STPG2: variants seen among roughly 807,000 people sequenced by gnomAD.
STPG2 encodes sperm-tail PG-rich repeat-containing protein 2.
In STPG2, 56 loss-of-function variants were observed where a neutral mutation model predicts 54.2. The observed-to-expected ratio is 1.03, with a 90% CI of 0.83 to 1.29. The LOEUF is 1.29. Ranked by LOEUF, STPG2 falls within the 50% of genes most tolerant of loss-of-function variation. The pLI is 0.00. For synonymous variants in STPG2, 200 were observed against 181.8 expected, an observed-to-expected ratio of 1.10 and a Z score of -0.81; for missense variants, 596 against 544.9, an observed-to-expected ratio of 1.09 and a Z score of -0.93.
chr4:97,671,084 C>T (rs11945884), intron 10 of STPG2, among the ~76,000 whole-genome samples: 3,492 of 152,228 alleles, frequency 0.023, 86 homozygotes, highest in African/African-American at 0.065. Flanking sequence ...TGAAAGGCAC[C>T]TTGACTACAG....
intron 5 of STPG2, among the ~76,000 whole-genome samples, chr4:98,027,799 A>G (rs783919): frequency 0.86 from 130,708 of 152,192 alleles, 56,282 homozygotes; most frequent in Middle Eastern, 0.97. Context: ...TTCATGAAGA[A>G]TAGCATTGCT....
At chr4:97,870,410 A>G (rs1729944240) in intron 8 of STPG2, among the ~76,000 whole-genome samples, 1 of 151,544 alleles carries the variant, frequency 6.6e-6, no homozygotes, top group Admixed American at 6.6e-5. Flanking sequence ...CAATTATATG[A>G]ACAAAACTAC....
intron 9 of STPG2, among the ~76,000 whole-genome samples, chr4:97,754,671 C>T (rs1456816827): frequency 2.0e-5 from 3 of 152,044 alleles, no homozygotes; most frequent in Non-Finnish European, 4.4e-5. Context: ...GCCCACTCTC[C>T]TAAATGACTA....
At chr4:97,549,946 T>C (rs1731927840) in intron 4 of STPG2, among the ~76,000 whole-genome samples, 1 of 152,174 alleles carries the variant, frequency 6.6e-6, no homozygotes, top group South Asian at 2.1e-4. Context: ...TAATACAGTA[T>C]ATTTATGACT....
intron 10 of STPG2, among the ~76,000 whole-genome samples, chr4:97,567,517 T>G (rs942718964): frequency 2.0e-5 from 3 of 151,114 alleles, no homozygotes; most frequent in African/African-American, 7.3e-5. Flanking sequence ...CTGAACATAT[T>G]AGGCCAACAA....
At chr4:98,051,427 C>T (rs1245170996) in intron 5 of STPG2, among the ~76,000 whole-genome samples, 1 of 151,904 alleles carries the variant, frequency 6.6e-6, no homozygotes, top group Non-Finnish European at 1.5e-5. Flanking sequence ...GGAAATGGGG[C>T]TTTAGGGAGG....
At chr4:98,037,845 C>G (rs1174458035) in intron 5 of STPG2, among the ~76,000 whole-genome samples, 2 of 151,904 alleles carry the variant, frequency 1.3e-5, no homozygotes, top group African/African-American at 2.4e-5. Flanking sequence ...TAATTTGCAA[C>G]AGCAAATAAA....
chr4:97,805,009 T>G (rs1424340108), intron 9 of STPG2, among the ~76,000 whole-genome samples: 2 of 152,182 alleles, frequency 1.3e-5, no homozygotes, highest in Admixed American at 1.3e-4. Context: ...AAGGACAATA[T>G]TACCTAACAA....
chr4:97,772,218 T>C lies in STPG2; in HGVS notation c.1205-59404A>G, dbSNP rs971099550. Reference sequence around the variant, plus strand: ...CTGGGATATATGCCATTAAGATTTATAATTAATATCTGAATGACTACTCTC... The same window carrying C: ...CTGGGATATATGCCATTAAGATTTACAATTAATATCTGAATGACTACTCTC... On this transcript the variant is annotated intron_variant, in intron 9 of 10. Coordinates refer to ENST00000295268, the MANE Select transcript of STPG2 (RefSeq NM_174952.3). Among the ~76,000 whole-genome samples the C allele has an allele frequency of 3.3e-5, 5 of 152,244 alleles. No individual in the cohort carries two copies. In the South Asian group the frequency reaches 6.2e-4, roughly 19 times the overall value.
chr4:98,124,808 ATG>A (rs1739784004), intron 3 of STPG2, among the ~76,000 whole-genome samples: 1 of 152,158 alleles, frequency 6.6e-6, no homozygotes, highest in Admixed American at 6.5e-5. Context: ...TCTTTCATGT[ATG>A]CCAGTCAGTC....
intron 9 of STPG2, among the ~76,000 whole-genome samples, chr4:97,767,576 G>A (rs973490010): frequency 2.0e-5 from 3 of 152,046 alleles, no homozygotes; most frequent in Admixed American, 1.3e-4. Flanking sequence ...ATGTTTCTGT[G>A]CAGTTTGTTA....
intron 5 of STPG2, among the ~76,000 whole-genome samples, chr4:98,084,974 T>G (rs1738462359): frequency 6.6e-6 from 1 of 152,078 alleles, no homozygotes; most frequent in African/African-American, 2.4e-5. Context: ...CTTTATCAAC[T>G]TTTTCCTTTT....
At chr4:97,890,856 T>C (rs1189022390) in intron 8 of STPG2, among the ~76,000 whole-genome samples, 1 of 151,768 alleles carries the variant, frequency 6.6e-6, no homozygotes, top group Admixed American at 6.6e-5. Context: ...TGACAAGATA[T>C]GAAATATACA....
chr4:97,596,995 T>A (rs1733311982), intron 10 of STPG2, among the ~76,000 whole-genome samples: 1 of 151,046 alleles, frequency 6.6e-6, no homozygotes, highest in Admixed American at 6.6e-5. Context: ...CATGAAAGAA[T>A]AAATAAAATG....
chr4:97,793,396 CACACACAG>C (rs1249173663), intron 9 of STPG2, among the ~76,000 whole-genome samples: 21 of 150,952 alleles, frequency 1.4e-4, no homozygotes, highest in African/African-American at 5.1e-4. Flanking sequence ...CACACACACA[CACACACAG>C]AGAAATAGCA....
chr4:97,947,399 C>T (rs1733275802), intron 7 of STPG2, among the ~76,000 whole-genome samples: 3 of 151,860 alleles, frequency 2.0e-5, no homozygotes, highest in Admixed American at 1.3e-4. Context: ...ACTGTATTTC[C>T]TTCTGTTGCC....
intron 10 of STPG2, among the ~76,000 whole-genome samples, chr4:97,656,545 C>T (rs906240068): frequency 2.0e-5 from 3 of 151,910 alleles, no homozygotes; most frequent in Admixed American, 6.6e-5. Context: ...CTTCTTGCTT[C>T]TCTTTGTGTA....
At chr4:97,486,338 C>T (rs1470951031) in intron 4 of STPG2, among the ~76,000 whole-genome samples, 1 of 151,566 alleles carries the variant, frequency 6.6e-6, no homozygotes, top group African/African-American at 2.4e-5. Flanking sequence ...AAAAAACAAT[C>T]CCATCAAAAA....
intron 9 of STPG2, among the ~76,000 whole-genome samples, chr4:97,811,301 A>AAAATGACTGG (rs1727732241): frequency 6.6e-6 from 1 of 152,216 alleles, no homozygotes; most frequent in African/African-American, 2.4e-5. Flanking sequence ...TTAGTCTCAG[A>AAAATGACTGG]AAATGACTGG....
Sources: gnomAD v4.1 joint callset for allele counts (sites outside exome capture counted in the v4.1 genomes callset) on GRCh38, gnomAD v4.1.1 for gene constraint, MANE v1.5 for transcripts, NCBI Gene and HGNC (gene_info 2026-07-23, HGNC 2026-07-21) for gene names.